AK3: variants seen among roughly 807,000 people sequenced by gnomAD.
The protein encoded by AK3 is GTP:AMP phosphotransferase AK3, mitochondrial.
AK3 carries 27 observed loss-of-function variants against 23.7 expected under a neutral mutation model. The ratio of observed to expected loss-of-function variants is 1.14; its 90% CI spans 0.84 to 1.57. AK3 has a LOEUF of 1.57. Ranked by LOEUF, AK3 falls within the 40% of genes most tolerant of loss-of-function variation. The pLI, the probability that AK3 is intolerant of heterozygous loss-of-function variation, is 0.00. For missense variants in AK3, 406 were observed against 285.6 expected (o/e 1.42, Z -3.04); for synonymous variants, 159 against 116.0 (o/e 1.37, Z -2.38).
chr9:4,730,315 C>G (rs988401381), intron 1 of AK3, among the ~76,000 whole-genome samples: 4 of 151,750 alleles, frequency 2.6e-5, no homozygotes, highest in African/African-American at 9.7e-5. Context: ...TTTACAAGGG[C>G]TAATTGTATG....
intron 1 of AK3, among the ~76,000 whole-genome samples, chr9:4,725,919 A>G (rs1476257932): frequency 6.6e-6 from 1 of 152,098 alleles, no homozygotes; most frequent in Non-Finnish European, 1.5e-5. Flanking sequence ...ATACAGGCCT[A>G]CCCTGGAGAT....
At chr9:4,722,292 T>C (rs780980928) in intron 2 of AK3, among the ~76,000 whole-genome samples, 5 of 152,226 alleles carry the variant, frequency 3.3e-5, no homozygotes, top group Non-Finnish European at 7.3e-5. Flanking sequence ...TAAAGTTACA[T>C]CTGAAGGGAG....
intron 2 of AK3, among the ~76,000 whole-genome samples, chr9:4,719,934 A>C (rs1841849379): frequency 6.8e-6 from 1 of 147,400 alleles, no homozygotes; most frequent in Admixed American, 6.8e-5. Context: ...GCATGATGGC[A>C]GGTCCCTGTA....
At chr9:4,739,780 A>C (rs995400685) in intron 1 of AK3, among the ~76,000 whole-genome samples, 3 of 152,022 alleles carry the variant, frequency 2.0e-5, no homozygotes, top group African/African-American at 7.2e-5. Context: ...AAATACAAAA[A>C]ATTAGCCCGG....
chr9:4,739,285 G>C (rs1449106072), intron 1 of AK3, among the ~76,000 whole-genome samples: 1 of 151,608 alleles, frequency 6.6e-6, no homozygotes, highest in East Asian at 1.9e-4. Flanking sequence ...CCGCCTCCCA[G>C]GTTCAAGCGA....
chr9:4,719,916 T>C (rs1051330682), intron 2 of AK3, among the ~76,000 whole-genome samples: 2 of 151,844 alleles, frequency 1.3e-5, no homozygotes, highest in African/African-American at 4.8e-5. Flanking sequence ...AATACAAAAA[T>C]TAGCCTGGCA....
At position 4,719,061 on chromosome 9, in the gene AK3, C is replaced by T. The variant is rs550913308; in HGVS notation, c.444+74G>A. ...TTTGGTCAGAGGATTTCCAAGTTCA[C>T]TCAACTTATGTCTGTTAGGGCAAGA... On this transcript the variant is annotated intron_variant, in intron 3 of 4. Transcript: ENST00000381809. The T allele has an allele frequency of 3.2e-6, 5 of 1,546,696 alleles. No homozygotes were observed. In the Admixed American group the frequency reaches 6.9e-5, roughly 21 times the overall value.
intron 1 of AK3, among the ~76,000 whole-genome samples, 168 bp downstream of exon 1, chr9:4,740,769 G>A (rs1279284919): frequency 4.6e-5 from 7 of 152,196 alleles, no homozygotes; most frequent in African/African-American, 1.7e-4. Flanking sequence ...CACGGAGGCC[G>A]GAGGTTTTGG....
chr9:4,741,149 C>A lies in AK3; in HGVS notation c.-62G>T. ...GGCTTTGGCCTGGCCTGCGCGCTCA[C>A]CCGCTCGGCAGCCTGCGCCGGCCGG... On this transcript the variant is annotated 5_prime_UTR_variant, in exon 1 of 5. Transcript: ENST00000381809. 7.4e-7 allele frequency: 1 copy of A among 1,342,998 alleles called. No individual in the cohort carries two copies. The highest frequency in any genetic ancestry group is 4.1e-5 in the Admixed American group (1 of 24,638). 83.2% of individuals were successfully genotyped at this position (1,342,998 alleles called of 1,614,324 possible).
At chr9:4,728,122 A>T (rs1842059847) in intron 1 of AK3, among the ~76,000 whole-genome samples, 1 of 152,238 alleles carries the variant, frequency 6.6e-6, no homozygotes. Context: ...AAATATTGCA[A>T]AAGTTACTAA....
intron 1 of AK3, among the ~76,000 whole-genome samples, chr9:4,739,952 T>C (rs1842386506): frequency 1.3e-5 from 2 of 151,516 alleles, no homozygotes; most frequent in African/African-American, 2.4e-5. Flanking sequence ...AAAGTAAACC[T>C]TTCTAGAAGG....
intron 1 of AK3, among the ~76,000 whole-genome samples, chr9:4,740,661 C>G (rs1842407322): frequency 6.6e-6 from 1 of 152,212 alleles, no homozygotes; most frequent in African/African-American, 2.4e-5. Flanking sequence ...GCCTCTGAAA[C>G]AAAGCCCGGT....
chr9:4,729,019 T>A lies in AK3; in HGVS notation c.152-6394A>T, dbSNP rs1338520582. On this transcript the variant is annotated intron_variant, in intron 1 of 4. Coordinates refer to ENST00000381809, the MANE Select transcript of AK3 (RefSeq NM_016282.4). Reference sequence around the variant, plus strand: ...CACACATATATATATATATATATTTTTTTTTTTTGAGACGGAATTTTGCTC... The same window carrying A: ...CACACATATATATATATATATATTTATTTTTTTTGAGACGGAATTTTGCTC... Among the ~76,000 whole-genome samples the A allele has an allele frequency of 2.5e-3, 325 of 128,476 alleles. 7 individuals carry two copies. Among genetic ancestry groups the A allele is most frequent in the African/African-American group, 7.9e-3 (285 of 36,198 alleles). 84.3% of individuals were successfully genotyped at this position (128,476 alleles called of 152,430 possible).
intron 4 of AK3, among the ~76,000 whole-genome samples, chr9:4,715,046 C>A (rs1841684772): frequency 6.6e-6 from 1 of 151,802 alleles, no homozygotes; most frequent in African/African-American, 2.4e-5. Context: ...TGGCGAAACC[C>A]CGTCTCTACT....
intron 1 of AK3, among the ~76,000 whole-genome samples, chr9:4,739,870 G>C (rs989668044): frequency 3.3e-5 from 5 of 151,982 alleles, no homozygotes; most frequent in Non-Finnish European, 5.9e-5. Flanking sequence ...GGCAGACAGA[G>C]CAAGACTCCG....
Position 4,710,084 on chromosome 9 carries a change from C to G in AK3, c.*2892G>C, listed in dbSNP as rs1400336756. 6.6e-6 allele frequency: 1 copy of G among 152,200 alleles called. No individual in the cohort carries two copies. Among genetic ancestry groups the G allele is most frequent in the Non-Finnish European group, 1.5e-5 (1 of 68,036 alleles). 9.4% of individuals were successfully genotyped at this position (152,200 alleles called of 1,614,324 possible). On this transcript the variant is annotated 3_prime_UTR_variant, in exon 5 of 5. Transcript: ENST00000381809. Reference sequence around the variant, plus strand: ...AGTATTTAAACTATTTGAAATGGAACTGACAGAAATTTCTGGATGGTGCTA... The same window carrying G: ...AGTATTTAAACTATTTGAAATGGAAGTGACAGAAATTTCTGGATGGTGCTA...
intron 1 of AK3, among the ~76,000 whole-genome samples, chr9:4,730,118 G>C (rs1031785286): frequency 2.6e-5 from 4 of 152,160 alleles, no homozygotes; most frequent in Non-Finnish European, 4.4e-5. Context: ...AAAATGTTTA[G>C]AATAGGCAAA....
At chr9:4,718,593 C>G (rs770499972) in intron 3 of AK3, 56 bp from the exon 4 acceptor site, 3 of 1,324,070 alleles carry the variant, frequency 2.3e-6, no homozygotes, top group Non-Finnish European at 3.2e-6. Context: ...AAGATATTTT[C>G]ATAAGCAGTT....
At chr9:4,737,147 A>T (rs1451890260) in intron 1 of AK3, among the ~76,000 whole-genome samples, 1 of 151,914 alleles carries the variant, frequency 6.6e-6, no homozygotes, top group Non-Finnish European at 1.5e-5. Flanking sequence ...GTTCTTTACT[A>T]TATAGTTTTC....
Sources: allele counts gnomAD v4.1 joint callset (sites outside exome capture counted in the v4.1 genomes callset), GRCh38; gene constraint gnomAD v4.1.1; transcripts MANE v1.5; gene names NCBI Gene and HGNC (gene_info 2026-07-23, HGNC 2026-07-21).